The following PDE1A variants were observed in gnomAD, a reference collection of about 807,000 sequenced individuals.
The protein encoded by PDE1A is phosphodiesterase 1A.
In PDE1A, 35 loss-of-function variants were observed where a neutral mutation model predicts 61.7. That is an observed-to-expected ratio of 0.57 (90% CI 0.43 to 0.75). The LOEUF is 0.75. Among genes scored for constraint, PDE1A ranks in the 30% least tolerant of loss-of-function variants. The pLI is 0.00. For missense variants in PDE1A, 597 were observed against 630.6 expected (o/e 0.95, Z 0.57); for synonymous variants, 232 against 213.2 (o/e 1.09, Z -0.77).
chr2:182,341,576 G>A (rs754510453), intron 1 of PDE1A, among the ~76,000 whole-genome samples: 4 of 152,052 alleles, frequency 2.6e-5, no homozygotes, highest in Non-Finnish European at 5.9e-5. Flanking sequence ...TTGATAAACA[G>A]GTGTGACATG....
intron 1 of PDE1A, among the ~76,000 whole-genome samples, chr2:182,275,703 A>G (rs972530619): frequency 1.3e-5 from 2 of 152,098 alleles, no homozygotes; most frequent in Non-Finnish European, 2.9e-5. Context: ...AATAATTTTT[A>G]TTTGGCAGAA....
At chr2:182,361,493 T>A (rs568321122) in intron 1 of PDE1A, among the ~76,000 whole-genome samples, 2 of 152,196 alleles carry the variant, frequency 1.3e-5, no homozygotes, top group African/African-American at 4.8e-5. Flanking sequence ...TTATTCAAAT[T>A]TATGAAAGGA....
chr2:182,144,095 C>G (rs547149435), downstream of PDE1A, among the ~76,000 whole-genome samples: 39 of 152,168 alleles, frequency 2.6e-4, no homozygotes, highest in Non-Finnish European at 4.0e-4. Context: ...TATTTTAAAT[C>G]AGTGTGAAAG....
intron 1 of PDE1A, among the ~76,000 whole-genome samples, chr2:182,290,061 A>G (rs1035395568): frequency 1.6e-4 from 24 of 152,148 alleles, no homozygotes; most frequent in African/African-American, 5.8e-4. Context: ...GAAAAATATG[A>G]AAAGTAAATA....
chr2:182,527,845 T>C (rs1010007837), upstream of PDE1A, among the ~76,000 whole-genome samples: 6 of 152,092 alleles, frequency 3.9e-5, no homozygotes, highest in African/African-American at 1.4e-4. Context: ...TGAGATCTCA[T>C]AGTTTTGTAA....
chr2:182,204,379 AG>A (rs1294042264), intron 8 of PDE1A, among the ~76,000 whole-genome samples: 1 of 152,180 alleles, frequency 6.6e-6, no homozygotes, highest in Non-Finnish European at 1.5e-5. Flanking sequence ...TATTTCCTGC[AG>A]AATACAGTTA....
the PDE1A span, among the ~76,000 whole-genome samples, chr2:182,697,370 A>G: frequency 6.6e-6 from 1 of 152,196 alleles, no homozygotes; most frequent in Non-Finnish European, 1.5e-5. Flanking sequence ...ATATGATTCT[A>G]ATTCTCACAG....
chr2:182,219,991 T>C (rs1688586423), intron 7 of PDE1A, among the ~76,000 whole-genome samples: 1 of 152,124 alleles, frequency 6.6e-6, no homozygotes, highest in Non-Finnish European at 1.5e-5. Flanking sequence ...TTAAGATCTG[T>C]GTCTGATAGT....
the PDE1A span, among the ~76,000 whole-genome samples, chr2:182,568,605 C>T: frequency 2.6e-5 from 4 of 152,006 alleles, no homozygotes; most frequent in East Asian, 7.7e-4. Context: ...GGGGAGCTTG[C>T]AGTGAGCCGA....
intron 13 of PDE1A, among the ~76,000 whole-genome samples, chr2:182,182,795 A>C (rs1432522): frequency 0.75 from 113,024 of 151,254 alleles, 42,470 homozygotes; most frequent in East Asian, 0.91. Flanking sequence ...AAATTTGTTA[A>C]CACCCACCCT....
chr2:182,196,498 T>A (rs1270136959), intron 10 of PDE1A, among the ~76,000 whole-genome samples: 1 of 151,662 alleles, frequency 6.6e-6, no homozygotes, highest in Admixed American at 6.6e-5. Context: ...ATACTCTTTT[T>A]AAAAAAAATT....
At chr2:182,360,344 A>G (rs1421839956) in intron 1 of PDE1A, among the ~76,000 whole-genome samples, 4 of 152,080 alleles carry the variant, frequency 2.6e-5, no homozygotes, top group Non-Finnish European at 2.9e-5. Flanking sequence ...GAGTGAGGCA[A>G]TCGGATTTGG....
At chr2:182,675,365 C>T in the PDE1A span, among the ~76,000 whole-genome samples, 1 of 152,122 alleles carries the variant, frequency 6.6e-6, no homozygotes, top group Non-Finnish European at 1.5e-5. Flanking sequence ...CATAGATGGG[C>T]ATTTAGGTTG....
At chr2:182,271,842 T>G (rs1263554239) in intron 1 of PDE1A, among the ~76,000 whole-genome samples, 3 of 152,062 alleles carry the variant, frequency 2.0e-5, no homozygotes, top group African/African-American at 7.2e-5. Context: ...GAAACATTAA[T>G]ATGACTTAAT....
chr2:182,346,941 C>T (rs1465524778), intron 1 of PDE1A, among the ~76,000 whole-genome samples: 1 of 152,156 alleles, frequency 6.6e-6, no homozygotes, highest in African/African-American at 2.4e-5. Flanking sequence ...TTTACTTGTC[C>T]TTCATAGAAG....
intron 1 of PDE1A, among the ~76,000 whole-genome samples, chr2:182,285,350 C>G (rs1163448826): frequency 6.6e-6 from 1 of 152,028 alleles, no homozygotes; most frequent in Non-Finnish European, 1.5e-5. Flanking sequence ...TTTCTTCCCT[C>G]CCTCTGCTAA....
At chr2:182,179,779 G>A (rs1380008382) in intron 13 of PDE1A, among the ~76,000 whole-genome samples, 1 of 152,080 alleles carries the variant, frequency 6.6e-6, no homozygotes, top group Non-Finnish European at 1.5e-5. Flanking sequence ...TGTTCAAAGA[G>A]CTTGGGATAC....
At chr2:182,325,847 A>C (rs573271516) in intron 1 of PDE1A, among the ~76,000 whole-genome samples, 41 of 152,284 alleles carry the variant, frequency 2.7e-4, no homozygotes, top group African/African-American at 9.9e-4. Flanking sequence ...TGAACCCAGG[A>C]GGCAGAGATT....
chr2:182,297,766 C>A (rs1383043626), intron 1 of PDE1A, among the ~76,000 whole-genome samples: 1 of 152,234 alleles, frequency 6.6e-6, no homozygotes, highest in Non-Finnish European at 1.5e-5. Flanking sequence ...TGTGCCTATG[C>A]TTCCAGAATC....
Sources: allele counts gnomAD v4.1 joint callset (sites outside exome capture counted in the v4.1 genomes callset), GRCh38; gene constraint gnomAD v4.1.1; transcripts MANE v1.5; gene names NCBI Gene and HGNC (gene_info 2026-07-23, HGNC 2026-07-21).